HOXC5: variants seen among roughly 807,000 people sequenced by gnomAD.
HOXC5 encodes the protein homeobox protein Hox-C5.
A neutral mutation model predicts 20.1 loss-of-function variants in HOXC5; 19 were observed. The ratio of observed to expected loss-of-function variants is 0.94; its 90% CI spans 0.66 to 1.38. The LOEUF (loss-of-function observed/expected upper bound fraction) is 1.38, where lower values mean the gene tolerates loss of function less well. HOXC5 is among the 40% of genes most tolerant of loss of function. The pLI, the probability that HOXC5 is intolerant of heterozygous loss-of-function variation, is 0.00. For missense variants in HOXC5, 330 were observed against 300.1 expected, an observed-to-expected ratio of 1.10 and a Z score of -0.74; for synonymous variants, 124 against 117.0, an observed-to-expected ratio of 1.06 and a Z score of -0.39.
chr12:54,030,561 C>T (rs1418935569), upstream of HOXC5: 1 of 152,556 alleles, frequency 6.6e-6, no homozygotes, highest in Non-Finnish European at 1.5e-5. Flanking sequence ...GTGACCGTTT[C>T]TGTGTGAAGA....
At chr12:54,030,720 A>C (rs1357258492), upstream of HOXC5, 2 of 152,584 alleles carry the variant, frequency 1.3e-5, no homozygotes, top group East Asian at 3.9e-4. Context: ...GTAGGAGAAA[A>C]TAAATAAATA....
At chr12:54,018,810 T>C in the HOXC5 span, among the ~76,000 whole-genome samples, 1 of 152,058 alleles carries the variant, frequency 6.6e-6, no homozygotes, top group Admixed American at 6.5e-5. Flanking sequence ...GGGGCCAGAC[T>C]TACCTTAATC....
the HOXC5 span, among the ~76,000 whole-genome samples, chr12:54,026,903 C>CG: frequency 1.3e-5 from 2 of 151,950 alleles, no homozygotes; most frequent in Admixed American, 1.3e-4. Context: ...TCATAAAATC[C>CG]GGCGACATCC....
Position 54,033,348 on chromosome 12 carries a change from T to C in HOXC5, c.226T>C (p.Cys76Arg), listed in dbSNP as rs1941063972. The C allele has an allele frequency of 6.2e-7, 1 of 1,612,752 alleles. No individual in the cohort carries two copies. The highest frequency in any genetic ancestry group is 1.1e-5 in the South Asian group (1 of 91,036). ...NPRAHPDRPA[C>R]SAAAAPGHAP... ...CCGGGCTCACCCCGACCGCCCCGCC[T>C]GCAGCGCCGCGGCCGCTCCGGGACA... Residue 76 changes from cysteine to arginine, a missense_variant, in exon 1 of 2, where the codon TGC (cysteine) becomes CGC (arginine). By Grantham distance (180) the Cys-to-Arg change is radical (BLOSUM62 -3). Coordinates refer to ENST00000312492, the MANE Select transcript of HOXC5 (RefSeq NM_018953.4).
upstream of HOXC5, among the ~76,000 whole-genome samples, chr12:54,032,509 C>G (rs1941024339): frequency 6.6e-6 from 1 of 152,254 alleles, no homozygotes. Context: ...ACTTAATCCC[C>G]TTTCCTCAGC....
chr12:54,034,227 C>A (rs2071449), intron 1 of HOXC5, 51 bp from the exon 2 acceptor site: 529,963 of 1,509,892 alleles, frequency 0.35, 95,976 homozygotes, highest in East Asian at 0.43. Context: ...GACGGGGGAA[C>A]GCTGCAAGCT....
At chr12:54,017,968 C>T in the HOXC5 span, among the ~76,000 whole-genome samples, 1 of 152,202 alleles carries the variant, frequency 6.6e-6, no homozygotes, top group Non-Finnish European at 1.5e-5. Flanking sequence ...GGGCCCAGGG[C>T]CGGGCCGCCG....
upstream of HOXC5, chr12:54,028,672 T>G (rs1231620764): frequency 1.2e-6 from 2 of 1,613,922 alleles, no homozygotes; most frequent in Non-Finnish European, 1.7e-6. Context: ...CCGGATCTAC[T>G]CGACTCCCTT....
chr12:54,024,196 G>T, the HOXC5 span, among the ~76,000 whole-genome samples: 13 of 152,278 alleles, frequency 8.5e-5, no homozygotes, highest in Admixed American at 5.2e-4. Context: ...AAAGGGGCCA[G>T]CGGGGCAACC....
At chr12:54,028,452 T>C (rs1433928401), upstream of HOXC5, 6 of 1,519,158 alleles carry the variant, frequency 3.9e-6, no homozygotes, top group Non-Finnish European at 5.4e-6. Context: ...AACCATCTAG[T>C]TCCGAGTACA....
chr12:54,034,245 C>G (rs776778454), intron 1 of HOXC5, 33 bp from the exon 2 acceptor site: 2 of 1,581,218 alleles, frequency 1.3e-6, no homozygotes, highest in East Asian at 4.5e-5. Flanking sequence ...GCTATTCACC[C>G]CTTCCTGGCT....
intron 1 of HOXC5, among the ~76,000 whole-genome samples, 157 bp downstream of exon 1, chr12:54,033,733 G>C (rs1246926200): frequency 2.0e-5 from 3 of 152,236 alleles, no homozygotes; most frequent in Non-Finnish European, 4.4e-5. Flanking sequence ...GGCTGTGTGC[G>C]CCCAAATTTA....
the HOXC5 span, among the ~76,000 whole-genome samples, chr12:54,023,209 A>AT: frequency 6.6e-6 from 1 of 152,014 alleles, no homozygotes; most frequent in South Asian, 2.1e-4. Flanking sequence ...GCCAGAAATG[A>AT]TTTTTTCCAG....
chr12:54,022,537 A>C, the HOXC5 span: 2 of 152,152 alleles, frequency 1.3e-5, no homozygotes, highest in African/African-American at 4.8e-5. Flanking sequence ...TTTTGCCAGC[A>C]CAGATTAAAT....
Position 54,033,056 on chromosome 12 carries a change from A to G in HOXC5, c.-67A>G. 5.1e-6 allele frequency: 7 copies of G among 1,360,338 alleles called. No individual in the cohort carries two copies. Among genetic ancestry groups the G allele is most frequent in the Non-Finnish European group, 7.2e-6 (7 of 978,796 alleles). 84.3% of individuals were successfully genotyped at this position (1,360,338 alleles called of 1,614,324 possible). ...ACTTTGGAGAACAAAAAACCCCTCAACTTCAAAGAGTCACAAATCACCCTT... is the reference window on the plus strand; with the variant it reads ...ACTTTGGAGAACAAAAAACCCCTCAGCTTCAAAGAGTCACAAATCACCCTT... On this transcript the variant is annotated 5_prime_UTR_variant, in exon 1 of 2. Coordinates refer to ENST00000312492, the MANE Select transcript of HOXC5 (RefSeq NM_018953.4).
chr12:54,024,276 C>T, the HOXC5 span, among the ~76,000 whole-genome samples: 1 of 152,172 alleles, frequency 6.6e-6, no homozygotes. Flanking sequence ...GCGGTCGCGT[C>T]CAGGCAGCTG....
At chr12:54,028,884 G>C (rs762991519), upstream of HOXC5, 6 of 1,613,262 alleles carry the variant, frequency 3.7e-6, no homozygotes, top group South Asian at 6.6e-5. Context: ...CCAGTATCCA[G>C]ATTTACCCCT....
At chr12:54,026,501 C>G in the HOXC5 span, among the ~76,000 whole-genome samples, 4 of 152,204 alleles carry the variant, frequency 2.6e-5, no homozygotes, top group African/African-American at 9.7e-5. Context: ...TCTACCCTTT[C>G]CCCTTCATTT....
chr12:54,029,020 A>G, upstream of HOXC5: 1 of 1,173,402 alleles, frequency 8.5e-7, no homozygotes, highest in Non-Finnish European at 1.2e-6. Context: ...TTATGGCCCC[A>G]TAAAAACAAT....
Sources: gnomAD v4.1 joint callset for allele counts (sites outside exome capture counted in the v4.1 genomes callset) on GRCh38, gnomAD v4.1.1 for gene constraint, MANE v1.5 for transcripts, NCBI Gene and HGNC (gene_info 2026-07-23, HGNC 2026-07-21) for gene names.